Variants in EIF4E3 observed in about 807,000 individuals in gnomAD.
EIF4E3 encodes eukaryotic translation initiation factor 4E type 3.
Under a neutral mutation model 31.7 loss-of-function variants are expected in EIF4E3, and 26 were observed. That is an observed-to-expected ratio of 0.82 (90% CI 0.60 to 1.14). The LOEUF (loss-of-function observed/expected upper bound fraction) is 1.14, where lower values mean the gene tolerates loss of function less well. Ranked by LOEUF, EIF4E3 falls within the 50% of genes most tolerant of loss-of-function variation. The probability of loss-of-function intolerance (pLI) is 0.00; values close to 1 mark genes in which losing one functional copy is unlikely to be tolerated. For missense variants in EIF4E3, 304 were observed against 270.9 expected (o/e 1.12, Z -0.86); for synonymous variants, 128 against 107.7 (o/e 1.19, Z -1.17).
intron 3 of EIF4E3, among the ~76,000 whole-genome samples, chr3:71,699,189 T>G (rs990254587): frequency 2.6e-5 from 4 of 152,204 alleles, no homozygotes; most frequent in Admixed American, 1.3e-4. Context: ...ATGGTGCCAC[T>G]GCACTCCAGC....
chr3:71,705,689 G>A (rs2049282967), intron 2 of EIF4E3, among the ~76,000 whole-genome samples: 1 of 152,206 alleles, frequency 6.6e-6, no homozygotes, highest in Non-Finnish European at 1.5e-5. Flanking sequence ...TAGCAGATAA[G>A]GCTGAAAGAA....
rs527245548 is a variant in EIF4E3, at chr3:71,720,632, G to GAGACATAAA, written c.176+4551_176+4559dup. ...TAAAAGAGGTCCTCTTAGGTGGTAA[G>GAGACATAAA]AGACATAAAGTAAAAATCTGCTGCT... is the stretch of plus-strand genomic sequence containing the variant. On this transcript the variant is annotated intron_variant, in intron 1 of 6. Transcript: ENST00000425534. Among the ~76,000 whole-genome samples, 11 of 152,280 alleles carry GAGACATAAA rather than the reference G, an allele frequency of 7.2e-5. No individual in the cohort carries two copies. In the South Asian group the frequency reaches 2.3e-3, roughly 32 times the overall value.
chr3:71,667,484 T>C, the EIF4E3 span, among the ~76,000 whole-genome samples: 1 of 152,206 alleles, frequency 6.6e-6, no homozygotes, highest in East Asian at 1.9e-4. Flanking sequence ...GATGACATGA[T>C]TGTATAGTTA....
the EIF4E3 span, among the ~76,000 whole-genome samples, chr3:71,662,728 C>A: frequency 6.6e-6 from 1 of 152,148 alleles, no homozygotes; most frequent in Non-Finnish European, 1.5e-5. Flanking sequence ...CCCAAAGTAA[C>A]TCAAAGTAAC....
chr3:71,667,671 A>C, the EIF4E3 span, among the ~76,000 whole-genome samples: 2 of 152,332 alleles, frequency 1.3e-5, no homozygotes, highest in African/African-American at 4.8e-5. Flanking sequence ...AAGGAGAATA[A>C]AATACCTAGG....
At chr3:71,704,605 G>A (rs1187699553) in intron 2 of EIF4E3, among the ~76,000 whole-genome samples, 1 of 152,200 alleles carries the variant, frequency 6.6e-6, no homozygotes, top group Non-Finnish European at 1.5e-5. Flanking sequence ...ACAGGGCCTG[G>A]GGTCTGGATG....
At chr3:71,754,102 TG>T, upstream of EIF4E3, 1 of 1,389,846 alleles carries the variant, frequency 7.2e-7, no homozygotes, top group Non-Finnish European at 9.4e-7. This position sits in a 1 kb window ranked among gnomAD's most constrained non-coding sequence, Gnocchi z 5.8. Context: ...GCGGCCGCCC[TG>T]GGCCTCAAGC....
At position 71,682,679 on chromosome 3, in the gene EIF4E3, T is replaced by C. The variant is rs916634460; in HGVS notation, c.*2003A>G. 6 of 152,674 alleles carry C rather than the reference T, an allele frequency of 3.9e-5. No homozygotes were observed. Among genetic ancestry groups the C allele is most frequent in the African/African-American group, 1.2e-4 (5 of 41,466 alleles). The allele number at this position is 152,674 out of a possible 1,614,324, so 9.5% of individuals were successfully genotyped here. A position where few individuals can be genotyped will look rare whatever the true frequency, so the allele number is the denominator to read the frequency against. ...TTCACTGGGGCAAAAATCTACTTTG[T>C]GTGCTAGTCATGTTCCATGATCATA... is the stretch of plus-strand genomic sequence containing the variant. On this transcript the variant is annotated 3_prime_UTR_variant, in exon 7 of 7. Coordinates refer to ENST00000425534, the MANE Select transcript of EIF4E3 (RefSeq NM_001134651.2).
chr3:71,725,919 G>C (rs75537698), upstream of EIF4E3, among the ~76,000 whole-genome samples: 3,543 of 152,234 alleles, frequency 0.023, 134 homozygotes, highest in African/African-American at 0.081. This position sits in a 1 kb window ranked among gnomAD's most constrained non-coding sequence, Gnocchi z 6.1. Flanking sequence ...GGGATGGAGG[G>C]CAGATGGAAG....
chr3:71,693,392 CAG>C (rs1287276264), intron 5 of EIF4E3, among the ~76,000 whole-genome samples: 2 of 152,070 alleles, frequency 1.3e-5, no homozygotes, highest in Non-Finnish European at 2.9e-5. Flanking sequence ...GAGCAGGGGA[CAG>C]AGAGAACAAG....
chr3:71,692,237 C>A (rs2049073178), intron 5 of EIF4E3, among the ~76,000 whole-genome samples: 1 of 152,148 alleles, frequency 6.6e-6, no homozygotes, highest in Non-Finnish European at 1.5e-5. Flanking sequence ...CTGGGAGGAG[C>A]CACTGCTTAA....
At chr3:71,695,971 G>T (rs2049130323) in intron 4 of EIF4E3, among the ~76,000 whole-genome samples, 1 of 152,192 alleles carries the variant, frequency 6.6e-6, no homozygotes, top group African/African-American at 2.4e-5. Flanking sequence ...CGGCCCCAGA[G>T]GGAGATGGAG....
intron 1 of EIF4E3, among the ~76,000 whole-genome samples, chr3:71,750,913 G>A (rs1253039975): frequency 6.6e-6 from 1 of 151,866 alleles, no homozygotes; most frequent in Non-Finnish European, 1.5e-5. Flanking sequence ...ACAGGCGCCT[G>A]CCACCATGCC....
intron 1 of EIF4E3, among the ~76,000 whole-genome samples, chr3:71,716,600 T>G (rs1019762168): frequency 5.9e-5 from 9 of 152,232 alleles, no homozygotes; most frequent in Non-Finnish European, 1.2e-4. Flanking sequence ...CATATCATGT[T>G]GTACATGCAT....
At chr3:71,731,042 C>T (rs1433292375) in intron 1 of EIF4E3, among the ~76,000 whole-genome samples, 1 of 152,126 alleles carries the variant, frequency 6.6e-6, no homozygotes, top group African/African-American at 2.4e-5. Flanking sequence ...CTTCTTTATT[C>T]CCACTGGTGC....
chr3:71,730,561 G>A (rs775942133), intron 1 of EIF4E3, among the ~76,000 whole-genome samples: 2 of 152,190 alleles, frequency 1.3e-5, no homozygotes, highest in Non-Finnish European at 2.9e-5. Context: ...TTAAGCATCT[G>A]CAGTGAGGAC....
chr3:71,723,659 A>AGTAT (rs1333011496), intron 1 of EIF4E3, among the ~76,000 whole-genome samples: 4 of 152,236 alleles, frequency 2.6e-5, no homozygotes, highest in Non-Finnish European at 5.9e-5. Context: ...ACCAGTCAGC[A>AGTAT]GTATTCACAA....
chr3:71,750,277 A>T (rs1387504517), intron 1 of EIF4E3, among the ~76,000 whole-genome samples: 2 of 152,164 alleles, frequency 1.3e-5, no homozygotes, highest in Admixed American at 1.3e-4. Context: ...CCCATTTCAT[A>T]AATGGACACA....
chr3:71,673,932 A>ATATATATATATAT, downstream of EIF4E3, among the ~76,000 whole-genome samples: 1 of 127,402 alleles, frequency 7.8e-6, no homozygotes, highest in African/African-American at 3.0e-5. Flanking sequence ...TATATATATA[A>ATATATATATATAT]AAAACATAAT....
Sources: gnomAD v4.1 joint callset for allele counts (sites outside exome capture counted in the v4.1 genomes callset) on GRCh38, gnomAD v4.1.1 for gene constraint, Gnocchi (gnomAD v3.1) non-coding constraint, MANE v1.5 for transcripts, NCBI Gene and HGNC (gene_info 2026-07-23, HGNC 2026-07-21) for gene names.